MBD5: variants seen among roughly 807,000 people sequenced by gnomAD.
MBD5 encodes the protein methyl-CpG-binding domain protein 5.
Under a neutral mutation model 117.3 loss-of-function variants are expected in MBD5, and 13 were observed. The ratio of observed to expected loss-of-function variants is 0.11; its 90% CI spans 0.07 to 0.18. MBD5 has a LOEUF of 0.18. Among genes scored for constraint, MBD5 ranks in the 10% least tolerant of loss-of-function variants. The pLI, the probability that MBD5 is intolerant of heterozygous loss-of-function variation, is 1.00. For missense variants in MBD5, 1,879 were observed against 2,093.8 expected, an observed-to-expected ratio of 0.90 and a Z score of 2.00; for synonymous variants, 727 against 766.4, an observed-to-expected ratio of 0.95 and a Z score of 0.85.
chr2:148,098,714 T>C (rs1444916359), intron 1 of MBD5, among the ~76,000 whole-genome samples: 2 of 152,240 alleles, frequency 1.3e-5, no homozygotes, highest in East Asian at 3.9e-4. Context: ...GGTGATTCTA[T>C]GTATAGCCAA....
intron 3 of MBD5, among the ~76,000 whole-genome samples, chr2:148,289,487 T>A (rs918851430): frequency 6.6e-6 from 1 of 152,174 alleles, no homozygotes; most frequent in African/African-American, 2.4e-5. Flanking sequence ...CTAATCAATG[T>A]ATGTATGCCA....
At chr2:148,115,151 T>C (rs1008192059) in intron 1 of MBD5, among the ~76,000 whole-genome samples, 1 of 152,202 alleles carries the variant, frequency 6.6e-6, no homozygotes, top group African/African-American at 2.4e-5. Flanking sequence ...TTACTACATA[T>C]AGATTTATTT....
At chr2:148,107,133 C>A (rs75500560) in intron 1 of MBD5, among the ~76,000 whole-genome samples, 1,874 of 152,024 alleles carry the variant, frequency 0.012, 24 homozygotes, top group African/African-American at 0.043. Context: ...CTCCAAATGA[C>A]CTTATTTCAC....
rs56094535 is a variant in MBD5, at chr2:148,100,911, G to GGATT, written c.-924-77767_-924-77764dup. On this transcript the variant is annotated intron_variant, in intron 1 of 13. Transcript: ENST00000642680. ...CATTGTTAGAAGAGAATGTGGGATA[G>GGATT]GATTGATTGATTGATTGATTGATTG... 1.1e-3 allele frequency among the ~76,000 whole-genome samples: 174 copies of GGATT among 151,640 alleles called. 1 individual carries two copies. Among genetic ancestry groups the GGATT allele is most frequent in the African/African-American group, 3.9e-3 (161 of 41,458 alleles).
intron 4 of MBD5, among the ~76,000 whole-genome samples, chr2:148,357,301 A>C (rs768937242): frequency 2.6e-5 from 4 of 152,164 alleles, no homozygotes; most frequent in Non-Finnish European, 4.4e-5. Context: ...AGCAATTACT[A>C]TCCATTTTAA....
At chr2:148,264,011 TAG>T (rs1249063671) in intron 3 of MBD5, among the ~76,000 whole-genome samples, 1 of 152,070 alleles carries the variant, frequency 6.6e-6, no homozygotes, top group Non-Finnish European at 1.5e-5. Flanking sequence ...CCTAGTGAGA[TAG>T]AGAGAGTTGA....
intron 12 of MBD5, among the ~76,000 whole-genome samples, chr2:148,506,720 A>G (rs1323372144): frequency 1.3e-5 from 2 of 152,244 alleles, no homozygotes; most frequent in African/African-American, 4.8e-5. Context: ...ATCTCCATTA[A>G]TAATTAGAAA....
intron 11 of MBD5, among the ~76,000 whole-genome samples, chr2:148,494,879 C>T (rs542788326): frequency 7.4e-4 from 113 of 152,206 alleles, no homozygotes; most frequent in Non-Finnish European, 1.3e-3. Context: ...AGGAAAATGC[C>T]GTGAACCCGG....
intron 4 of MBD5, among the ~76,000 whole-genome samples, chr2:148,389,250 ACATATATATATAT>A (rs1473991048): frequency 6.9e-5 from 2 of 29,148 alleles, no homozygotes; most frequent in African/African-American, 2.4e-4. Flanking sequence ...GGAAAAAAAA[ACATATATATATAT>A]ATATATATAT....
intron 1 of MBD5, among the ~76,000 whole-genome samples, chr2:148,082,745 TATGG>T (rs1695675655): frequency 6.6e-6 from 1 of 152,202 alleles, no homozygotes; most frequent in African/African-American, 2.4e-5. Context: ...GGTTTTTTAT[TATGG>T]AACTCTCCTG....
At chr2:148,281,114 G>A (rs1361528278) in intron 3 of MBD5, among the ~76,000 whole-genome samples, 1 of 152,094 alleles carries the variant, frequency 6.6e-6, no homozygotes, top group Non-Finnish European at 1.5e-5. Flanking sequence ...TTTAATCCAA[G>A]GTATTCTACT....
At chr2:148,202,045 T>C (rs1699157894) in intron 2 of MBD5, among the ~76,000 whole-genome samples, 2 of 152,152 alleles carry the variant, frequency 1.3e-5, no homozygotes, top group Admixed American at 1.3e-4. Flanking sequence ...GCTTGAAGGT[T>C]GGGTTTCACT....
chr2:148,374,524 G>A (rs1454717038), intron 4 of MBD5, among the ~76,000 whole-genome samples: 1 of 152,100 alleles, frequency 6.6e-6, no homozygotes, highest in Non-Finnish European at 1.5e-5. Context: ...CTTATTGAAT[G>A]CTTTCTAAGT....
At chr2:148,143,776 A>G (rs1212200971) in intron 1 of MBD5, among the ~76,000 whole-genome samples, 3 of 152,204 alleles carry the variant, frequency 2.0e-5, no homozygotes, top group African/African-American at 4.8e-5. Flanking sequence ...TACAAAGGAC[A>G]TGAACTCATC....
intron 1 of MBD5, among the ~76,000 whole-genome samples, chr2:148,076,972 CTT>C (rs1022673214): frequency 6.6e-6 from 1 of 152,194 alleles, no homozygotes; most frequent in African/African-American, 2.4e-5. Flanking sequence ...CTAAGAATGT[CTT>C]TCACATTTTT....
At chr2:148,479,738 A>G (rs984873343) in intron 8 of MBD5, among the ~76,000 whole-genome samples, 6 of 141,436 alleles carry the variant, frequency 4.2e-5, no homozygotes, top group Non-Finnish European at 6.2e-5. Context: ...TTTTTTTATC[A>G]TCTTGCTTCT....
chr2:148,044,103 T>C (rs775561645), intron 1 of MBD5, among the ~76,000 whole-genome samples: 2 of 152,214 alleles, frequency 1.3e-5, no homozygotes, highest in Non-Finnish European at 2.9e-5. Flanking sequence ...ATAAAGCTTA[T>C]TTGTAATGCA....
chr2:148,310,941 T>G (rs1400528989), intron 3 of MBD5, among the ~76,000 whole-genome samples: 1 of 152,208 alleles, frequency 6.6e-6, no homozygotes, highest in Non-Finnish European at 1.5e-5. Flanking sequence ...TCAGTTTTCA[T>G]GTAGTTGTGT....
At chr2:148,305,824 C>G (rs1030344036) in intron 3 of MBD5, among the ~76,000 whole-genome samples, 5 of 152,156 alleles carry the variant, frequency 3.3e-5, no homozygotes, top group African/African-American at 1.2e-4. Context: ...TAGAGGAATT[C>G]TGGATCCCGT....
Sources: allele counts gnomAD v4.1 joint callset (sites outside exome capture counted in the v4.1 genomes callset), GRCh38; gene constraint gnomAD v4.1.1; transcripts MANE v1.5; gene names NCBI Gene and HGNC (gene_info 2026-07-23, HGNC 2026-07-21).